Variants in MOB3B observed in about 807,000 individuals in gnomAD.
MOB3B encodes the protein MOB kinase activator-like 2B.
In MOB3B, 7 loss-of-function variants were observed where a neutral mutation model predicts 18.7. That is an observed-to-expected ratio of 0.37 (90% CI 0.21 to 0.70). MOB3B has a LOEUF of 0.70. Ranked by LOEUF, MOB3B falls within the 30% of genes least tolerant of loss-of-function variation. The pLI, the probability that MOB3B is intolerant of heterozygous loss-of-function variation, is 0.52. For missense variants in MOB3B, 253 were observed against 281.3 expected, an observed-to-expected ratio of 0.90 and a Z score of 0.72; for synonymous variants, 111 against 99.9, an observed-to-expected ratio of 1.11 and a Z score of -0.66.
chr9:27,392,795 A>G (rs988934136), intron 2 of MOB3B, among the ~76,000 whole-genome samples: 3 of 152,278 alleles, frequency 2.0e-5, no homozygotes, highest in East Asian at 1.9e-4. Context: ...TACATAACCA[A>G]TTGGTCTTGG....
chr9:27,438,814 G>A (rs1356526591), intron 2 of MOB3B, among the ~76,000 whole-genome samples: 2 of 152,086 alleles, frequency 1.3e-5, no homozygotes, highest in Non-Finnish European at 2.9e-5. Context: ...CATGTTTTAG[G>A]GCTAAAAAAC....
intron 2 of MOB3B, among the ~76,000 whole-genome samples, chr9:27,366,482 A>G (rs1434572944): frequency 6.6e-6 from 1 of 152,188 alleles, no homozygotes; most frequent in African/African-American, 2.4e-5. Context: ...CCTCTGAAAG[A>G]AAATAAGTTG....
At chr9:27,406,385 T>G (rs1394023956) in intron 2 of MOB3B, among the ~76,000 whole-genome samples, 1 of 151,886 alleles carries the variant, frequency 6.6e-6, no homozygotes, top group African/African-American at 2.4e-5. Context: ...AAGAAAAAAA[T>G]AATCCTTAAA....
At chr9:27,489,645 AGCTTCCAGG>A (rs1194736714) in intron 1 of MOB3B, among the ~76,000 whole-genome samples, 3 of 151,426 alleles carry the variant, frequency 2.0e-5, no homozygotes, top group African/African-American at 7.3e-5. Flanking sequence ...GGTTGGAGGT[AGCTTCCAGG>A]GCACTGGAGC....
Position 27,328,163 on chromosome 9 carries a change from T to A in MOB3B, c.*2424A>T, listed in dbSNP as rs1017612254. 1.3e-5 allele frequency: 2 copies of A among 152,004 alleles called. No individual in the cohort carries two copies. The highest frequency in any genetic ancestry group is 2.9e-5 in the Non-Finnish European group (2 of 67,998). 9.4% of individuals were successfully genotyped at this position (152,004 alleles called of 1,614,324 possible). A position where few individuals can be genotyped will look rare whatever the true frequency, so the allele number is the denominator to read the frequency against. On this transcript the variant is annotated 3_prime_UTR_variant, in exon 4 of 4. Coordinates refer to ENST00000262244, the MANE Select transcript of MOB3B (RefSeq NM_024761.5). ...ACTATAATCTTTCAACTTTGAAACTTTTACTTTAAAATTTCCCAAAATTAA... is the reference window on the plus strand; with the variant it reads ...ACTATAATCTTTCAACTTTGAAACTATTACTTTAAAATTTCCCAAAATTAA...
intron 2 of MOB3B, chr9:27,397,696 A>C (rs1785859424): frequency 6.6e-6 from 1 of 152,238 alleles, no homozygotes; most frequent in Non-Finnish European, 1.5e-5. Context: ...AATTCATAAT[A>C]TACTAATCTT....
At chr9:27,509,941 T>A (rs1228281439) in intron 1 of MOB3B, among the ~76,000 whole-genome samples, 1 of 152,204 alleles carries the variant, frequency 6.6e-6, no homozygotes, top group African/African-American at 2.4e-5. Context: ...CCCAGGCTGG[T>A]CTCGAAGTCC....
intron 3 of MOB3B, among the ~76,000 whole-genome samples, chr9:27,347,025 T>C (rs1466775238): frequency 6.6e-6 from 1 of 152,162 alleles, no homozygotes; most frequent in African/African-American, 2.4e-5. Flanking sequence ...AGAATTATAC[T>C]ATTAGAAATA....
At chr9:27,371,587 T>C (rs1430163874) in intron 2 of MOB3B, among the ~76,000 whole-genome samples, 1 of 152,186 alleles carries the variant, frequency 6.6e-6, no homozygotes, top group Non-Finnish European at 1.5e-5. Context: ...CTAATTCAAG[T>C]AAATTATTTA....
At chr9:27,380,140 T>C (rs1045914140) in intron 2 of MOB3B, among the ~76,000 whole-genome samples, 7 of 152,194 alleles carry the variant, frequency 4.6e-5, no homozygotes, top group African/African-American at 1.7e-4. Context: ...ACGAGGTCTA[T>C]GGGCCCCCAC....
intron 2 of MOB3B, among the ~76,000 whole-genome samples, chr9:27,420,691 G>C (rs13289831): frequency 0.35 from 51,618 of 148,248 alleles, 9,222 homozygotes; most frequent in Non-Finnish European, 0.38. Flanking sequence ...AGTAACTCAG[G>C]AATGGAAAAC....
intron 2 of MOB3B, among the ~76,000 whole-genome samples, chr9:27,383,154 G>A (rs1364530848): frequency 6.7e-6 from 1 of 149,528 alleles, no homozygotes; most frequent in African/African-American, 2.4e-5. Context: ...TTCACACCCT[G>A]CTTGCACATG....
chr9:27,417,170 T>A (rs1030250576), intron 2 of MOB3B, among the ~76,000 whole-genome samples: 1 of 152,144 alleles, frequency 6.6e-6, no homozygotes, highest in Non-Finnish European at 1.5e-5. Context: ...GAGACCATCC[T>A]GGATAACACC....
At chr9:27,486,151 G>C (rs1819726303) in intron 1 of MOB3B, among the ~76,000 whole-genome samples, 1 of 152,218 alleles carries the variant, frequency 6.6e-6, no homozygotes, top group African/African-American at 2.4e-5. Context: ...GCAAGAGCTA[G>C]TTTCGATGGT....
At chr9:27,368,514 T>A (rs1455547086) in intron 2 of MOB3B, among the ~76,000 whole-genome samples, 1 of 152,162 alleles carries the variant, frequency 6.6e-6, no homozygotes, top group Non-Finnish European at 1.5e-5. Flanking sequence ...AAGTGTCTGT[T>A]CGTCATGCCA....
At chr9:27,453,906 C>T (rs1822831394) in intron 2 of MOB3B, among the ~76,000 whole-genome samples, 1 of 152,046 alleles carries the variant, frequency 6.6e-6, no homozygotes, top group African/African-American at 2.4e-5. Context: ...TAATATTATG[C>T]CCAGGGGAGT....
chr9:27,332,266 C>T (rs7025442), intron 3 of MOB3B, among the ~76,000 whole-genome samples: 13 of 152,198 alleles, frequency 8.5e-5, no homozygotes, highest in African/African-American at 2.9e-4. Context: ...GCTGGGATTA[C>T]AGGTGTGAAC....
At chr9:27,491,483 A>T (rs1208417547) in intron 1 of MOB3B, among the ~76,000 whole-genome samples, 1 of 152,224 alleles carries the variant, frequency 6.6e-6, no homozygotes, top group Admixed American at 6.5e-5. Flanking sequence ...TGTCCAAAAA[A>T]TGGTCAAACT....
chr9:27,400,057 T>C lies in MOB3B; in HGVS notation c.419-40821A>G, dbSNP rs997375360. On this transcript the variant is annotated intron_variant, in intron 2 of 3. Transcript: ENST00000262244. Reference sequence around the variant, plus strand: ...CTGGAAATTACAGCTGCCTCCTGCCTGTCCTCTCTGCTCTTCACTGCCCCT... The same window carrying C: ...CTGGAAATTACAGCTGCCTCCTGCCCGTCCTCTCTGCTCTTCACTGCCCCT... 2.0e-5 allele frequency among the ~76,000 whole-genome samples: 3 copies of C among 152,322 alleles called. No homozygotes were observed. In the South Asian group the frequency reaches 6.2e-4, roughly 32 times the overall value.
Sources: gnomAD v4.1 joint callset for allele counts (sites outside exome capture counted in the v4.1 genomes callset) on GRCh38, gnomAD v4.1.1 for gene constraint, MANE v1.5 for transcripts, NCBI Gene and HGNC (gene_info 2026-07-23, HGNC 2026-07-21) for gene names.